Variants in OR9I1 observed in about 807,000 individuals in gnomAD.
OR9I1 encodes olfactory receptor 9I1.
A neutral mutation model predicts 11.2 loss-of-function variants in OR9I1; 7 were observed. The observed-to-expected ratio is 0.62, with a 90% CI of 0.36 to 1.17. The LOEUF (loss-of-function observed/expected upper bound fraction) is 1.17, where lower values mean the gene tolerates loss of function less well. Ranked by LOEUF, OR9I1 falls within the 50% of genes most tolerant of loss-of-function variation. The pLI is 0.02. For synonymous variants in OR9I1, 165 were observed against 153.4 expected (o/e 1.08, Z -0.56); for missense variants, 428 against 377.2 (o/e 1.13, Z -1.12).
chr11:58,118,596 G>A lies in OR9I1; in HGVS notation c.849C>T (p.Pro283=). ...AGCTGTAGATCAGAGGGTTCAGCAT[G>A]GGGATGACCACTGTATAGAAGACAG... ...VVSVFYTVVI[P]MLNPLIYSLR... is the part of the protein sequence containing the mutation. The change falls in exon 3 of 3, where the codon CCC becomes CCT. Residue 283 remains proline, a synonymous_variant. Coordinates refer to ENST00000641439, the MANE Select transcript of OR9I1 (RefSeq NM_001005211.2). 1 of 1,613,988 alleles carries A rather than the reference G, an allele frequency of 6.2e-7. No homozygotes were observed. The highest frequency in any genetic ancestry group is 1.7e-4 in the Middle Eastern group (1 of 6,056).
chr11:58,122,962 GT>G (rs57528065), intron 2 of OR9I1, among the ~76,000 whole-genome samples: 22 of 144,988 alleles, frequency 1.5e-4, no homozygotes, highest in South Asian at 4.4e-4. Flanking sequence ...GGTAAATTTT[GT>G]TTTTTTTTTC....
At chr11:58,124,971 C>A (rs910787546) in intron 1 of OR9I1, among the ~76,000 whole-genome samples, 5 of 152,088 alleles carry the variant, frequency 3.3e-5, no homozygotes, top group African/African-American at 1.2e-4. Context: ...TAGTTAAGTA[C>A]CTTGTCCAAG....
chr11:58,119,564 A>G, intron 2 of OR9I1, 98 bp from the exon 3 acceptor site: 1 of 672,084 alleles, frequency 1.5e-6, no homozygotes, highest in Non-Finnish European at 2.5e-6. Context: ...GTCTATTTGT[A>G]GAGTTTGTTT....
intron 2 of OR9I1, among the ~76,000 whole-genome samples, chr11:58,120,923 C>G (rs960243895): frequency 1.3e-5 from 2 of 150,778 alleles, no homozygotes; most frequent in African/African-American, 4.9e-5. Context: ...TCCCTTCCAC[C>G]CCCTTAACAA....
At position 58,119,116 on chromosome 11, in the gene OR9I1, G is replaced by C. The variant is rs757575630; in HGVS notation, c.329C>G (p.Thr110Arg). The C allele has an allele frequency of 6.2e-7, 1 of 1,614,000 alleles. No homozygotes were observed. The highest frequency in any genetic ancestry group is 1.1e-5 in the South Asian group (1 of 91,076). ...CATCACTGCCAGCAGAAAGCACTCTGTGCCTGCACAGATGGTGAATAAAAA... is the reference window on the plus strand; with the variant it reads ...CATCACTGCCAGCAGAAAGCACTCTCTGCCTGCACAGATGGTGAATAAAAA... Reference protein sequence around the residue: ...QFFLFTICAGTECFLLAVMAY... With the variant: ...QFFLFTICAGRECFLLAVMAY... The change falls in exon 3 of 3, where the codon ACA (threonine) becomes AGA (arginine). Residue 110 changes from threonine to arginine, a missense_variant. Physicochemically the swap from Thr to Arg is moderately conservative, Grantham distance 71 (BLOSUM62 -1). Transcript: ENST00000641439.
At position 58,120,803 on chromosome 11, in the gene OR9I1, C is replaced by CATATATATATATATATAT. The variant is rs61634454; in HGVS notation, c.-22-1355_-22-1338dup. Among the ~76,000 whole-genome samples, 423 of 132,568 alleles carry CATATATATATATATATAT rather than the reference C, an allele frequency of 3.2e-3. 5 individuals are homozygous for CATATATATATATATATAT. Among genetic ancestry groups the CATATATATATATATATAT allele is most frequent in the Middle Eastern group, 7.7e-3 (2 of 260 alleles). 87.0% of individuals were successfully genotyped at this position (132,568 alleles called of 152,430 possible). A position where few individuals can be genotyped will look rare whatever the true frequency, so the allele number is the denominator to read the frequency against. On this transcript the variant is annotated intron_variant, in intron 2 of 2. Transcript: ENST00000641439. ...TATATTTGTATCTTTATTTCAATAC[C>CATATATATATATATATAT]ATATATATATATATATATATATATA...
chr11:58,119,837 C>T (rs7107162), intron 2 of OR9I1, among the ~76,000 whole-genome samples: 25,866 of 152,140 alleles, frequency 0.17, 2,344 homozygotes, highest in Non-Finnish European at 0.2. Flanking sequence ...GCAAACAGTT[C>T]CACCTGTTGA....
chr11:58,122,358 C>T (rs1854042115), intron 2 of OR9I1, among the ~76,000 whole-genome samples: 1 of 152,196 alleles, frequency 6.6e-6, no homozygotes, highest in Non-Finnish European at 1.5e-5. Context: ...ATGGTTCAAG[C>T]TCTGTGGTTG....
In OR9I1 at chr11:58,118,978, G is replaced by A; in HGVS notation, c.467C>T (p.Ala156Val). Reference protein sequence around the residue: ...VGAYVCGVSGAILRTTCTFTL... With the variant: ...VGAYVCGVSGVILRTTCTFTL... ...GAAGGTGCAAGTGGTACGCAGGATGGCTCCTGACACCCCACAGACATAGGC... is the reference window on the plus strand; with the variant it reads ...GAAGGTGCAAGTGGTACGCAGGATGACTCCTGACACCCCACAGACATAGGC... The change falls in exon 3 of 3, where the codon GCC becomes GTC. Residue 156 changes from alanine (A) to valine (V), a missense_variant. Physicochemically the swap from Ala to Val is moderately conservative, Grantham distance 64. Transcript: ENST00000641439. 1 of 1,613,804 alleles carries A rather than the reference G, an allele frequency of 6.2e-7. No homozygotes were observed. The highest frequency in any genetic ancestry group is 8.5e-7 in the Non-Finnish European group (1 of 1,179,944).
chr11:58,124,833 C>A (rs983831223), intron 1 of OR9I1, among the ~76,000 whole-genome samples, 194 bp from the exon 2 acceptor site: 3 of 152,130 alleles, frequency 2.0e-5, no homozygotes, highest in African/African-American at 7.2e-5. Flanking sequence ...TCCTGGCAAC[C>A]ATTTATCGAA....
chr11:58,120,627 G>A (rs1854019887), intron 2 of OR9I1, among the ~76,000 whole-genome samples: 1 of 151,656 alleles, frequency 6.6e-6, no homozygotes, highest in African/African-American at 2.4e-5. Context: ...AAGAAGTGTA[G>A]ATCAGTACCC....
rs771082283 is a variant in OR9I1, at chr11:58,118,945, G to A, written c.500C>T (p.Ser167Phe). ...ILRTTCTFTL[S>F]FCKDNQINFF... ...GTTTATTTGATTGTCCTTACAGAAG[G>A]AGAGGGTGAAGGTGCAAGTGGTACG... Residue 167 changes from serine (S) to phenylalanine (F), a missense_variant, in exon 3 of 3, where the codon TCC (serine) becomes TTC (phenylalanine). Coordinates refer to ENST00000641439, the MANE Select transcript of OR9I1 (RefSeq NM_001005211.2). The A allele has an allele frequency of 1.2e-6, 2 of 1,614,018 alleles. No individual in the cohort carries two copies. The highest frequency in any genetic ancestry group is 1.7e-5 in the Admixed American group (1 of 60,020).
At chr11:58,120,825 T>TATATATATATATAC (rs1404403230) in intron 2 of OR9I1, among the ~76,000 whole-genome samples, 1 of 141,730 alleles carries the variant, frequency 7.1e-6, no homozygotes, top group African/African-American at 2.5e-5. Flanking sequence ...TATATATATA[T>TATATATATATATAC]ATACATATAT....
rs928872906 is a variant in OR9I1 at position 58,116,931 on chromosome 11, T to C, written c.*1569A>G. 2.6e-5 allele frequency: 4 copies of C among 152,376 alleles called. No individual in the cohort carries two copies. The East Asian group carries it at 7.7e-4, about 29-fold the overall frequency. 9.4% of individuals were successfully genotyped at this position (152,376 alleles called of 1,614,324 possible). A position where few individuals can be genotyped will look rare whatever the true frequency, so the allele number is the denominator to read the frequency against. On this transcript the variant is annotated 3_prime_UTR_variant, in exon 3 of 3. Transcript: ENST00000641439. ...TACATCCTTTTATTATTCTTGACTA[T>C]GTGGGATATAGATACATGCACTCCA...
In OR9I1 at chr11:58,118,749, A is replaced by G. The variant is rs756920575; in HGVS notation, c.696T>C (p.Gly232=). Residue 232 remains glycine, a synonymous_variant, in exon 3 of 3, where the codon GGT becomes GGC. Transcript: ENST00000641439. ...IKTILKVKSS[G]GRAKTFSTCA... is the part of the protein sequence containing the mutation. ...ATGTGGAGAAAGTCTTGGCCCTGCC[A>G]CCTGAAGACTTCACTTTCAAAATGG... 8 of 1,613,966 alleles carry G rather than the reference A, an allele frequency of 5.0e-6. No homozygotes were observed. Among genetic ancestry groups the G allele is most frequent in the Middle Eastern group, 3.3e-4 (2 of 6,078 alleles).
intron 2 of OR9I1, among the ~76,000 whole-genome samples, chr11:58,121,774 C>T (rs758001215): frequency 1.3e-5 from 2 of 152,182 alleles, no homozygotes; most frequent in Admixed American, 6.5e-5. Context: ...ATGGGGATTG[C>T]TATTTTTGAT....
Position 58,117,184 on chromosome 11 carries a change from C to T in OR9I1, c.*1316G>A, listed in dbSNP as rs986484258. On this transcript the variant is annotated 3_prime_UTR_variant, in exon 3 of 3. Transcript: ENST00000641439. ...ATCTATATTGAACATCTGATTAGTG[C>T]TTGGCTATTTCTTATTCATCATTTT... is the stretch of plus-strand genomic sequence containing the variant. The T allele has an allele frequency of 6.6e-6, 1 of 152,136 alleles. No individual in the cohort carries two copies. The highest frequency in any genetic ancestry group is 1.5e-5 in the Non-Finnish European group (1 of 68,030). The allele number at this position is 152,136 out of a possible 1,614,324, so 9.4% of individuals were successfully genotyped here.
At chr11:58,119,809 CCGT>C (rs57595530) in intron 2 of OR9I1, among the ~76,000 whole-genome samples, 4,612 of 152,254 alleles carry the variant, frequency 0.03, 222 homozygotes, top group African/African-American at 0.1. Context: ...CACTCAGTTG[CCGT>C]ATGAGCCTCC....
chr11:58,122,633 T>C (rs1854045710), intron 2 of OR9I1, among the ~76,000 whole-genome samples: 1 of 152,150 alleles, frequency 6.6e-6, no homozygotes, highest in Non-Finnish European at 1.5e-5. Context: ...AGGTAGAAAA[T>C]TGAATGGCCT....
Sources: gnomAD v4.1 joint callset for allele counts (sites outside exome capture counted in the v4.1 genomes callset) on GRCh38, gnomAD v4.1.1 for gene constraint, MANE v1.5 for transcripts, NCBI Gene and HGNC (gene_info 2026-07-23, HGNC 2026-07-21) for gene names.